Variants in CNTN6 observed in about 807,000 individuals in gnomAD.
The protein encoded by CNTN6 is contactin 6.
Under a neutral mutation model 122.8 loss-of-function variants are expected in CNTN6, and 137 were observed. That is an observed-to-expected ratio of 1.12 (90% CI 0.97 to 1.29). The LOEUF (loss-of-function observed/expected upper bound fraction) is 1.29. CNTN6 is among the 50% of genes most tolerant of loss of function. The pLI is 0.00. For synonymous variants in CNTN6, 570 were observed against 426.0 expected (o/e 1.34, Z -4.16); for missense variants, 1,634 against 1,223.4 (o/e 1.34, Z -5.01).
chr3:1,254,922 C>G (rs951989707), intron 4 of CNTN6, among the ~76,000 whole-genome samples: 2 of 151,986 alleles, frequency 1.3e-5, no homozygotes, highest in African/African-American at 4.8e-5. Flanking sequence ...GGTGGTTCCT[C>G]TGGTCTTCTT....
Position 1,348,157 on chromosome 3 carries a change from C to CAAAAAAAAAAAAAAAAAAAAAAAAAA in CNTN6, c.1365-4148_1365-4147insAAAAAAAAAAAAAAAAAAAAAAAAAA, listed in dbSNP as rs532282828. ...AATATTAGTATTTCTATGCTATAGA[C>CAAAAAAAAAAAAAAAAAAAAAAAAAA]AAAAAAAAAAAAAAAAAAAGGACTT... On this transcript the variant is annotated intron_variant, in intron 11 of 22. Transcript: ENST00000446702. 9.3e-5 allele frequency among the ~76,000 whole-genome samples: 6 copies of CAAAAAAAAAAAAAAAAAAAAAAAAAA among 64,298 alleles called. 1 individual carries two copies. The highest frequency in any genetic ancestry group is 1.7e-4 in the Admixed American group (1 of 6,050). The allele number at this position is 64,298 out of a possible 152,430, so 42.2% of individuals were successfully genotyped here.
intron 20 of CNTN6, among the ~76,000 whole-genome samples, chr3:1,389,286 C>G (rs1693717545): frequency 6.6e-6 from 1 of 152,076 alleles, no homozygotes; most frequent in African/African-American, 2.4e-5. Flanking sequence ...ACAATTTCAA[C>G]CCAGAATTTC....
At chr3:1,202,233 A>G (rs2093883508) in intron 2 of CNTN6, among the ~76,000 whole-genome samples, 1 of 152,274 alleles carries the variant, frequency 6.6e-6, no homozygotes, top group Non-Finnish European at 1.5e-5. Flanking sequence ...GAAAAGCTTC[A>G]TGCATACTCA....
Position 1,108,370 on chromosome 3 carries a change from C to G in CNTN6, c.-83+15250C>G, listed in dbSNP as rs146091636. On this transcript the variant is annotated intron_variant, in intron 1 of 22. Transcript: ENST00000446702. ...ATTTGTATTTTATATAAGCTTTATACATATAACCTGAATGCATTTCTATAT... is the reference window on the plus strand; with the variant it reads ...ATTTGTATTTTATATAAGCTTTATAGATATAACCTGAATGCATTTCTATAT... Among the ~76,000 whole-genome samples, 34 of 152,092 alleles carry G rather than the reference C, an allele frequency of 2.2e-4. No homozygotes were observed. The East Asian group carries it at 6.6e-3, about 29-fold the overall frequency.
intron 1 of CNTN6, among the ~76,000 whole-genome samples, chr3:1,144,317 T>G (rs1213649077): frequency 6.6e-6 from 1 of 152,148 alleles, no homozygotes; most frequent in Non-Finnish European, 1.5e-5. Flanking sequence ...GGCTCACACC[T>G]GTAACCCCAG....
At chr3:1,330,076 C>A in intron 11 of CNTN6, 141 bp downstream of exon 11, 1 of 522,580 alleles carries the variant, frequency 1.9e-6, no homozygotes, top group Non-Finnish European at 3.2e-6. Flanking sequence ...GCATTCTTCT[C>A]ATCATAGTAA....
chr3:1,251,604 AC>A (rs1441461230), intron 4 of CNTN6, among the ~76,000 whole-genome samples: 3 of 152,114 alleles, frequency 2.0e-5, no homozygotes, highest in African/African-American at 7.2e-5. Flanking sequence ...CAACTATGAC[AC>A]CTGCTTTCAC....
intron 1 of CNTN6, among the ~76,000 whole-genome samples, chr3:1,119,524 T>G (rs536882722): frequency 6.6e-6 from 1 of 151,950 alleles, no homozygotes; most frequent in African/African-American, 2.4e-5. Flanking sequence ...GAGAGCATCA[T>G]AGAAGACAGT....
chr3:1,310,645 A>C (rs1384339910), intron 7 of CNTN6, among the ~76,000 whole-genome samples: 1 of 152,162 alleles, frequency 6.6e-6, no homozygotes, highest in Non-Finnish European at 1.5e-5. Flanking sequence ...ATTTAAAAAT[A>C]TTCTCTCTGC....
chr3:1,372,728 C>CTTTTAA (rs1709234392), intron 13 of CNTN6, 110 bp from the exon 14 acceptor site: 1 of 727,850 alleles, frequency 1.4e-6, no homozygotes, highest in Admixed American at 2.6e-5. Flanking sequence ...ACTAGTATAT[C>CTTTTAA]TTTTAATTTC....
intron 4 of CNTN6, among the ~76,000 whole-genome samples, chr3:1,244,909 G>A (rs572908682): frequency 3.3e-5 from 5 of 149,630 alleles, no homozygotes; most frequent in African/African-American, 1.2e-4. Flanking sequence ...TCTTAAGGGT[G>A]GGGGAGATTA....
intron 5 of CNTN6, among the ~76,000 whole-genome samples, chr3:1,282,640 G>T (rs1693669689): frequency 6.6e-6 from 1 of 152,080 alleles, no homozygotes; most frequent in African/African-American, 2.4e-5. Flanking sequence ...GTTTTGTAAG[G>T]ACAGCACAGA....
intron 10 of CNTN6, among the ~76,000 whole-genome samples, chr3:1,328,449 C>T (rs1263638690): frequency 6.6e-6 from 1 of 151,756 alleles, no homozygotes; most frequent in Non-Finnish European, 1.5e-5. Flanking sequence ...GTGATGAGCA[C>T]TCATTCATTT....
At chr3:1,293,799 A>G (rs997941588) in intron 5 of CNTN6, among the ~76,000 whole-genome samples, 1 of 152,146 alleles carries the variant, frequency 6.6e-6, no homozygotes, top group African/African-American at 2.4e-5. Flanking sequence ...TGGACCAGCT[A>G]TATTCTTCTA....
chr3:1,261,524 G>T (rs2094845953), intron 4 of CNTN6, among the ~76,000 whole-genome samples: 1 of 148,076 alleles, frequency 6.8e-6, no homozygotes, highest in Non-Finnish European at 1.5e-5. Context: ...TTCAATTTCT[G>T]GTAACCTGGC....
At chr3:1,171,328 G>T (rs1462410393) in intron 2 of CNTN6, among the ~76,000 whole-genome samples, 1 of 152,182 alleles carries the variant, frequency 6.6e-6, no homozygotes, top group Admixed American at 6.5e-5. Flanking sequence ...TGGGGAAAAT[G>T]TGAAAATACA....
chr3:1,174,642 C>T (rs962764528), intron 2 of CNTN6, among the ~76,000 whole-genome samples: 3 of 150,848 alleles, frequency 2.0e-5, no homozygotes, highest in Non-Finnish European at 4.4e-5. Flanking sequence ...ACTTTGGAGT[C>T]CACACTAATC....
chr3:1,122,416 C>G (rs6442215), intron 1 of CNTN6, among the ~76,000 whole-genome samples: 88,284 of 144,290 alleles, frequency 0.61, 26,267 homozygotes, highest in Non-Finnish European at 0.66. Context: ...TCTCAACCAG[C>G]GGTGATTTAA....
At chr3:1,164,310 C>A (rs751452794) in intron 2 of CNTN6, among the ~76,000 whole-genome samples, 7 of 152,260 alleles carry the variant, frequency 4.6e-5, no homozygotes, top group African/African-American at 1.2e-4. Context: ...GGCTTCCTTG[C>A]AAGATCTGAC....
Sources: allele counts gnomAD v4.1 joint callset (sites outside exome capture counted in the v4.1 genomes callset), GRCh38; gene constraint gnomAD v4.1.1; transcripts MANE v1.5; gene names NCBI Gene and HGNC (gene_info 2026-07-23, HGNC 2026-07-21).